The following JAK2 variants were observed in gnomAD, a reference collection of about 807,000 sequenced individuals.
JAK2 encodes tyrosine-protein kinase JAK2.
Under a neutral mutation model 139.3 loss-of-function variants are expected in JAK2, and 86 were observed. The observed-to-expected ratio is 0.62, with a 90% CI of 0.52 to 0.74. The LOEUF (loss-of-function observed/expected upper bound fraction) is 0.74, where lower values mean the gene tolerates loss of function less well. Ranked by LOEUF, JAK2 falls within the 30% of genes least tolerant of loss-of-function variation. JAK2 has a pLI of 0.00. For synonymous variants in JAK2, 490 were observed against 437.7 expected, an observed-to-expected ratio of 1.12 and a Z score of -1.49; for missense variants, 1,421 against 1,360.3, an observed-to-expected ratio of 1.04 and a Z score of -0.70.
rs529865165 is a variant in JAK2 at position 5,106,388 on chromosome 9, C to G, written c.3059+15477C>G. The stretch of plus-strand genomic sequence containing the variant: ...GTTAGAATGGTGATCATTAAAAAGA[C>G]AGGAAACAACAGATGCTGGAGAAGA... On this transcript the variant is annotated intron_variant, in intron 22 of 24. Transcript: ENST00000381652. 6.0e-3 allele frequency among the ~76,000 whole-genome samples: 910 copies of G among 152,248 alleles called. 9 individuals are homozygous for G. The highest frequency in any genetic ancestry group is 0.021 in the African/African-American group (870 of 41,534).
rs1488354161 is a variant in JAK2 at position 5,042,206 on chromosome 9, C to T, written c.351-2197C>T. Reference sequence around the variant, plus strand: ...ACTGCGGACTGCAGTGGCGCAATCTCGGCTCACTGCAAGCTCCGCCTCCCG... The same window carrying T: ...ACTGCGGACTGCAGTGGCGCAATCTTGGCTCACTGCAAGCTCCGCCTCCCG... On this transcript the variant is annotated intron_variant, in intron 4 of 24. Transcript: ENST00000381652. Among the ~76,000 whole-genome samples the T allele has an allele frequency of 3.4e-5, 5 of 148,710 alleles. No homozygotes were observed. In the Middle Eastern group the frequency reaches 0.014, roughly 425 times the overall value.
chr9:5,072,385 A>T, intron 12 of JAK2, 107 bp from the exon 13 acceptor site: 1 of 723,790 alleles, frequency 1.4e-6, no homozygotes, highest in Non-Finnish European at 2.1e-6. Flanking sequence ...TAAGGAAAAT[A>T]CTTGCTTATG....
intron 8 of JAK2, among the ~76,000 whole-genome samples, chr9:5,058,848 TA>T (rs572067104): frequency 1.2e-3 from 177 of 152,310 alleles, no homozygotes; most frequent in African/African-American, 4.0e-3. Context: ...TTTGAAGAAA[TA>T]TATATTCAAG....
intron 6 of JAK2, among the ~76,000 whole-genome samples, chr9:5,051,460 G>T (rs1817408766): frequency 6.6e-6 from 1 of 152,006 alleles, no homozygotes; most frequent in Non-Finnish European, 1.5e-5. Context: ...AAAGATTTCT[G>T]GGTCCTAATC....
chr9:5,006,360 A>G (rs1255324369), intron 2 of JAK2, among the ~76,000 whole-genome samples: 1 of 152,164 alleles, frequency 6.6e-6, no homozygotes, highest in Non-Finnish European at 1.5e-5. Flanking sequence ...GACTTTGCTG[A>G]AGTTGCTTAT....
chr9:5,023,536 G>A (rs566202191), intron 3 of JAK2, among the ~76,000 whole-genome samples: 10 of 152,296 alleles, frequency 6.6e-5, no homozygotes, highest in African/African-American at 1.9e-4. Flanking sequence ...CCTGCAAGGG[G>A]CTAGGGTCTC....
intron 12 of JAK2, among the ~76,000 whole-genome samples, chr9:5,072,106 A>G (rs1357658332): frequency 6.6e-6 from 1 of 152,208 alleles, no homozygotes; most frequent in Non-Finnish European, 1.5e-5. Flanking sequence ...AAGTGGTAAT[A>G]AGAGAAAGTC....
chr9:5,026,260 T>G (rs1480692704), intron 3 of JAK2, among the ~76,000 whole-genome samples: 1 of 152,212 alleles, frequency 6.6e-6, no homozygotes, highest in Non-Finnish European at 1.5e-5. Context: ...GTACATGATA[T>G]TGGTAATCAT....
rs1195934639 is a variant in JAK2 at position 5,128,592 on chromosome 9, T to TAAC, written c.*1802_*1804dup. 6.6e-6 allele frequency among the ~76,000 whole-genome samples: 1 copy of TAAC among 151,952 alleles called. No individual in the cohort carries two copies. Among genetic ancestry groups the TAAC allele is most frequent in the East Asian group, 1.9e-4 (1 of 5,194 alleles). ...TTGCTTTTTAAAACAAGATGTGAAC[T>TAAC]AACTTTTCTTAAACATTTTTTTAAA... On this transcript the variant is annotated 3_prime_UTR_variant, in exon 25 of 25. Coordinates refer to ENST00000381652, the MANE Select transcript of JAK2 (RefSeq NM_004972.4).
chr9:5,122,314 G>C (rs1823679419), intron 22 of JAK2, among the ~76,000 whole-genome samples: 1 of 152,120 alleles, frequency 6.6e-6, no homozygotes, highest in Non-Finnish European at 1.5e-5. Flanking sequence ...AGTGAACAAT[G>C]ACACCATTGC....
chr9:5,099,445 G>A (rs559674903), intron 22 of JAK2: 6 of 152,062 alleles, frequency 3.9e-5, no homozygotes, highest in African/African-American at 1.4e-4. Context: ...TTATTATCCT[G>A]TCAATAATCA....
rs779483839 is a variant in JAK2, at chr9:5,055,723, G to A, written c.991G>A (p.Ala331Thr). The change falls in exon 8 of 25, where the codon GCA (alanine) becomes ACA (threonine). Residue 331 changes from alanine to threonine, a missense_variant. Transcript: ENST00000381652. ...TATTATTGATGTCAGTATTAAGCAA[G>A]CAAACCAAGAGGGTTCAAATGAAAG... ...PNIIDVSIKQANQEGSNESRV... is the reference protein window; with the variant it reads ...PNIIDVSIKQTNQEGSNESRV... 1 of 1,604,970 alleles carries A rather than the reference G, an allele frequency of 6.2e-7. No homozygotes were observed. The highest frequency in any genetic ancestry group is 1.3e-5 in the African/African-American group (1 of 74,644).
intron 2 of JAK2, among the ~76,000 whole-genome samples, chr9:5,012,285 A>G (rs1186558212): frequency 6.6e-6 from 1 of 152,142 alleles, no homozygotes; most frequent in African/African-American, 2.4e-5. Context: ...CATTCAGTGT[A>G]TTCCCCTTCT....
Position 5,089,776 on chromosome 9 carries a change from C to G in JAK2, c.2674C>G (p.Leu892Val), listed in dbSNP as rs201551707. 437 of 1,599,942 alleles carry G rather than the reference C, an allele frequency of 2.7e-4. 1 individual carries two copies. The highest frequency in any genetic ancestry group is 1.2e-4 in the East Asian group (5 of 43,324). Residue 892 changes from leucine (L) to valine (V), a missense_variant, in exon 20 of 25, where the codon CTA becomes GTA. Physicochemically the swap from Leu to Val is conservative, Grantham distance 32. Transcript: ENST00000381652. The stretch of plus-strand genomic sequence containing the variant: ...GCTTCAGCATAGTACTGAAGAGCAC[C>G]TAAGAGACTTTGAAAGGGAAATTGA... ...KKLQHSTEEH[L>V]RDFEREIEIL...
chr9:4,992,556 C>T (rs1055418436), intron 2 of JAK2, among the ~76,000 whole-genome samples: 1 of 152,174 alleles, frequency 6.6e-6, no homozygotes, highest in Admixed American at 6.5e-5. Context: ...CTGAAATACA[C>T]GCAAAATACA....
intron 2 of JAK2, among the ~76,000 whole-genome samples, chr9:5,020,757 C>G (rs530770882): frequency 6.6e-6 from 1 of 152,218 alleles, no homozygotes; most frequent in African/African-American, 2.4e-5. Context: ...GGGGTTATTG[C>G]CAATGGCTTG....
chr9:5,042,255 A>G (rs1490423613), intron 4 of JAK2, among the ~76,000 whole-genome samples: 1 of 148,210 alleles, frequency 6.7e-6, no homozygotes, highest in Non-Finnish European at 1.5e-5. Context: ...CTCCTGCCTC[A>G]GCCTCCCAAG....
intron 22 of JAK2, among the ~76,000 whole-genome samples, chr9:5,117,849 G>T (rs764850563): frequency 6.6e-6 from 1 of 152,172 alleles, no homozygotes; most frequent in African/African-American, 2.4e-5. Context: ...ATTAATGAGA[G>T]GCTAATAGTA....
chr9:5,115,249 A>C (rs953294283), intron 22 of JAK2, among the ~76,000 whole-genome samples: 1 of 152,232 alleles, frequency 6.6e-6, no homozygotes, highest in Non-Finnish European at 1.5e-5. Context: ...AAGTGGGTAA[A>C]GGATATGAAC....
Sources: allele counts gnomAD v4.1 joint callset (sites outside exome capture counted in the v4.1 genomes callset), GRCh38; gene constraint gnomAD v4.1.1; transcripts MANE v1.5; gene names NCBI Gene and HGNC (gene_info 2026-07-23, HGNC 2026-07-21).